The following OLFM3 variants were observed in gnomAD, a reference collection of about 807,000 sequenced individuals.
The protein encoded by OLFM3 is olfactomedin 3, also known as noelin-3.
Under a neutral mutation model 48.6 loss-of-function variants are expected in OLFM3, and 20 were observed. That is an observed-to-expected ratio of 0.41 (90% CI 0.29 to 0.60). The LOEUF is 0.60. OLFM3 is among the 20% of genes least tolerant of loss of function. The probability of loss-of-function intolerance (pLI) is 0.28; values close to 1 mark genes in which losing one functional copy is unlikely to be tolerated. For missense variants in OLFM3, 437 were observed against 544.3 expected (o/e 0.80, Z 1.96); for synonymous variants, 222 against 198.1 (o/e 1.12, Z -1.01).
chr1:101,847,050 A>C (rs1656031327), intron 1 of OLFM3: 1 of 1,527,544 alleles, frequency 6.5e-7, no homozygotes, highest in East Asian at 2.3e-5. Flanking sequence ...GCGTGACTGC[A>C]GCGCGCCACA....
intron 1 of OLFM3, among the ~76,000 whole-genome samples, chr1:101,907,539 A>C (rs1658594167): frequency 6.6e-6 from 1 of 152,220 alleles, no homozygotes; most frequent in Non-Finnish European, 1.5e-5. Flanking sequence ...TGCAGAAGCG[A>C]CCCAGGACAC....
chr1:101,811,555 A>G (rs1304098770), intron 4 of OLFM3, among the ~76,000 whole-genome samples: 1 of 152,204 alleles, frequency 6.6e-6, no homozygotes, highest in Admixed American at 6.6e-5. Context: ...TCAAAAGAAG[A>G]CATTTATGCA....
At chr1:101,978,406 T>C (rs943726835) in intron 1 of OLFM3, among the ~76,000 whole-genome samples, 1 of 152,192 alleles carries the variant, frequency 6.6e-6, no homozygotes, top group Admixed American at 6.5e-5. Flanking sequence ...AAAATAATTT[T>C]AAATTGTTAT....
At chr1:101,858,019 C>T (rs981356217) in intron 1 of OLFM3, among the ~76,000 whole-genome samples, 2 of 151,776 alleles carry the variant, frequency 1.3e-5, no homozygotes, top group African/African-American at 2.4e-5. Context: ...TTATTGCAAT[C>T]CATAAGGTTT....
chr1:101,836,640 TGGTAGA>T (rs1375985607), intron 2 of OLFM3, among the ~76,000 whole-genome samples: 2 of 151,298 alleles, frequency 1.3e-5, no homozygotes, highest in Non-Finnish European at 2.9e-5. Context: ...TTAAGATATA[TGGTAGA>T]GAGCCAGTCT....
rs189873213 is a variant in OLFM3, at chr1:101,909,514, G to A, written c.70-72489C>T. 3.6e-4 allele frequency among the ~76,000 whole-genome samples: 55 copies of A among 152,254 alleles called. 1 individual carries two copies. In the South Asian group the frequency reaches 9.5e-3, roughly 26 times the overall value. On this transcript the variant is annotated intron_variant, in intron 1 of 5. Transcript: ENST00000370103. ...AGACCAGTTCACTATTTTAAAAACC[G>A]TCTATGAACAAATTTAGTGTGTTTT...
chr1:101,925,487 G>C (rs1274663797), intron 1 of OLFM3, among the ~76,000 whole-genome samples: 13 of 151,912 alleles, frequency 8.6e-5, no homozygotes, highest in Non-Finnish European at 1.9e-4. Context: ...GTGTGTGTGT[G>C]TGTGTGTCTG....
Position 101,865,122 on chromosome 1 carries a change from C to A in OLFM3, c.70-28097G>T, listed in dbSNP as rs115080639. Among the ~76,000 whole-genome samples, 1,344 of 152,208 alleles carry A rather than the reference C, an allele frequency of 8.8e-3. 31 individuals are homozygous for A. Among genetic ancestry groups the A allele is most frequent in the African/African-American group, 0.031 (1,291 of 41,522 alleles). ...TTATGTAGAATTCACTTTGGTTTCC[C>A]TCAGCCATTTGTACCATGGACTTTC... On this transcript the variant is annotated intron_variant, in intron 1 of 5. Coordinates refer to ENST00000370103, the MANE Select transcript of OLFM3 (RefSeq NM_058170.4).
At chr1:101,911,373 C>T (rs2101028563) in intron 1 of OLFM3, among the ~76,000 whole-genome samples, 1 of 152,102 alleles carries the variant, frequency 6.6e-6, no homozygotes, top group East Asian at 1.9e-4. Flanking sequence ...TGAGTTGAGG[C>T]CCCATTGCAA....
At chr1:101,982,145 T>C (rs774154408) in intron 1 of OLFM3, among the ~76,000 whole-genome samples, 17 of 152,182 alleles carry the variant, frequency 1.1e-4, no homozygotes, top group Non-Finnish European at 1.9e-4. Flanking sequence ...ACAGACTTAT[T>C]ATAAAAGAAT....
At chr1:101,895,311 G>C (rs1342758591) in intron 1 of OLFM3, among the ~76,000 whole-genome samples, 1 of 151,740 alleles carries the variant, frequency 6.6e-6, no homozygotes, top group Non-Finnish European at 1.5e-5. Flanking sequence ...TCTGTTGCTA[G>C]AGATAAGTTA....
intron 1 of OLFM3, among the ~76,000 whole-genome samples, chr1:101,902,142 A>G (rs1658408957): frequency 6.6e-6 from 1 of 152,030 alleles, no homozygotes; most frequent in Non-Finnish European, 1.5e-5. Flanking sequence ...AAAAAAAGAG[A>G]AGTAAATGAT....
chr1:101,919,323 C>A (rs921483715), intron 1 of OLFM3, among the ~76,000 whole-genome samples: 2 of 152,024 alleles, frequency 1.3e-5, no homozygotes, highest in African/African-American at 4.8e-5. Flanking sequence ...TTTGAACTTT[C>A]TATTTCCAAT....
chr1:101,811,813 T>A (rs972943968), intron 4 of OLFM3, among the ~76,000 whole-genome samples: 1 of 152,152 alleles, frequency 6.6e-6, no homozygotes, highest in Non-Finnish European at 1.5e-5. Flanking sequence ...AAATACCATT[T>A]GACCCAGCCA....
At chr1:101,983,283 T>G (rs1661150160) in intron 1 of OLFM3, among the ~76,000 whole-genome samples, 1 of 152,198 alleles carries the variant, frequency 6.6e-6, no homozygotes, top group Non-Finnish European at 1.5e-5. Flanking sequence ...CTGGAATATC[T>G]TTTCATTCTT....
At chr1:101,853,704 T>A (rs1656307521) in intron 1 of OLFM3, among the ~76,000 whole-genome samples, 1 of 152,124 alleles carries the variant, frequency 6.6e-6, no homozygotes, top group African/African-American at 2.4e-5. Context: ...GAATATACAG[T>A]ACAGCTTATT....
chr1:101,907,770 A>C (rs1374899195), intron 1 of OLFM3, among the ~76,000 whole-genome samples: 1 of 152,218 alleles, frequency 6.6e-6, no homozygotes. Flanking sequence ...CTTTGAGTTC[A>C]GAAGATTCTT....
At chr1:101,868,747 G>T (rs1656955932) in intron 1 of OLFM3, among the ~76,000 whole-genome samples, 1 of 152,194 alleles carries the variant, frequency 6.6e-6, no homozygotes, top group Non-Finnish European at 1.5e-5. Flanking sequence ...AGAGAGAAAG[G>T]TTTCATGGGC....
intron 1 of OLFM3, among the ~76,000 whole-genome samples, chr1:101,933,567 C>T (rs1005872372): frequency 6.6e-6 from 1 of 152,088 alleles, no homozygotes; most frequent in Non-Finnish European, 1.5e-5. Flanking sequence ...AAAATGTCCT[C>T]GACCTCAATA....
Sources: allele counts gnomAD v4.1 joint callset (sites outside exome capture counted in the v4.1 genomes callset), GRCh38; gene constraint gnomAD v4.1.1; transcripts MANE v1.5; gene names NCBI Gene and HGNC (gene_info 2026-07-23, HGNC 2026-07-21).